The following IL1RAPL2 variants were observed in gnomAD, a reference collection of about 807,000 sequenced individuals.
The protein encoded by IL1RAPL2 is X-linked interleukin-1 receptor accessory protein-like 2.
Under a neutral mutation model 44.1 loss-of-function variants are expected in IL1RAPL2, and 3 were observed. That is an observed-to-expected ratio of 0.07 (90% confidence interval 0.03 to 0.18). The LOEUF (loss-of-function observed/expected upper bound fraction) is 0.18, where lower values mean the gene tolerates loss of function less well. Ranked by LOEUF, IL1RAPL2 falls within the 10% of genes least tolerant of loss-of-function variation. The pLI is 1.00. For synonymous variants in IL1RAPL2, 181 were observed against 178.8 expected, an observed-to-expected ratio of 1.01 and a Z score of -0.10; for missense variants, 391 against 496.4, an observed-to-expected ratio of 0.79 and a Z score of 2.02.
intron 2 of IL1RAPL2, among the ~76,000 whole-genome samples, chrX:105,187,938 A>G (rs886191727): frequency 1.9e-4 from 21 of 111,820 alleles, no homozygotes; most frequent in Admixed American, 3.8e-4. Context: ...TCATTTTACA[A>G]TGTATACACA....
At chrX:104,590,133 C>T (rs960617222) in intron 1 of IL1RAPL2, among the ~76,000 whole-genome samples, 3 of 111,510 alleles carry the variant, frequency 2.7e-5, no homozygotes, top group Non-Finnish European at 5.6e-5. Context: ...CCACCTCTGC[C>T]TCCCGGGTTC....
intron 2 of IL1RAPL2, among the ~76,000 whole-genome samples, chrX:105,125,062 A>G (rs2147574403): frequency 9.0e-6 from 1 of 110,683 alleles, no homozygotes; most frequent in South Asian, 3.8e-4. Flanking sequence ...CTTGGTTCCA[A>G]TGACATTTCA....
intron 2 of IL1RAPL2, among the ~76,000 whole-genome samples, chrX:104,997,535 A>G (rs745673305): frequency 8.9e-6 from 1 of 111,800 alleles, no homozygotes; most frequent in African/African-American, 3.2e-5. Context: ...GTACAGAGAA[A>G]GGATTGGAAG....
At chrX:105,673,359 C>T (rs1602514323) in intron 6 of IL1RAPL2, among the ~76,000 whole-genome samples, 1 of 110,862 alleles carries the variant, frequency 9.0e-6, no homozygotes, top group South Asian at 3.9e-4. Context: ...TGTTGTTCCC[C>T]TCCCTGTGTC....
At chrX:105,195,437 G>A (rs782749753) in intron 2 of IL1RAPL2, 38 bp from the exon 3 acceptor site, 26 of 1,185,998 alleles carry the variant, frequency 2.2e-5, no homozygotes, top group Non-Finnish European at 2.7e-5. Context: ...TGTCAACAAT[G>A]CTCACTGTAT....
intron 6 of IL1RAPL2, among the ~76,000 whole-genome samples, chrX:105,583,129 A>T (rs928669397): frequency 7.1e-5 from 7 of 98,409 alleles, no homozygotes; most frequent in African/African-American, 2.6e-4. Context: ...CTAAGAATTC[A>T]ATTTTTTTTG....
At chrX:104,592,330 T>C (rs1928685401) in intron 1 of IL1RAPL2, among the ~76,000 whole-genome samples, 1 of 110,090 alleles carries the variant, frequency 9.1e-6, no homozygotes, top group South Asian at 3.9e-4. Flanking sequence ...ACACGTCTTC[T>C]TCCCAACCTC....
At chrX:105,525,608 T>C (rs2036590389) in intron 6 of IL1RAPL2, among the ~76,000 whole-genome samples, 2 of 111,557 alleles carry the variant, frequency 1.8e-5, no homozygotes, top group Non-Finnish European at 3.8e-5. Context: ...ACAGTATTAA[T>C]TAAGGATAAT....
At chrX:105,033,767 A>G (rs1212511102) in intron 2 of IL1RAPL2, among the ~76,000 whole-genome samples, 10 of 111,230 alleles carry the variant, frequency 9.0e-5, no homozygotes, top group Admixed American at 1.9e-4. Context: ...CTGAATGTTG[A>G]CCTGCCTTGC....
intron 2 of IL1RAPL2, among the ~76,000 whole-genome samples, chrX:105,193,822 G>T (rs2033652629): frequency 9.0e-6 from 1 of 111,723 alleles, no homozygotes; most frequent in East Asian, 2.8e-4. Context: ...AAGTTTAGAT[G>T]CCCTTCACTA....
rs748399718 is a variant in IL1RAPL2 at position 105,594,869 on chromosome X, C to T, written c.772+110482C>T. On this transcript the variant is annotated intron_variant, in intron 6 of 10. Transcript: ENST00000372582. ...TGGATGTAAAAATGGGAACAGTAGA[C>T]ACAGCAGAATACAAGAGGGGAGAGA... Among the ~76,000 whole-genome samples, 30 of 111,201 alleles carry T rather than the reference C, an allele frequency of 2.7e-4. No homozygotes were observed. The East Asian group carries it at 4.0e-3, about 15-fold the overall frequency.
chrX:105,564,685 G>A (rs1035945858), intron 6 of IL1RAPL2, among the ~76,000 whole-genome samples: 5 of 111,770 alleles, frequency 4.5e-5, no homozygotes. Flanking sequence ...GCCAAATGGC[G>A]CATTGCTTGT....
chrX:105,687,806 T>C (rs1465534327), intron 6 of IL1RAPL2, among the ~76,000 whole-genome samples: 2 of 111,746 alleles, frequency 1.8e-5, no homozygotes, highest in Non-Finnish European at 1.9e-5. Flanking sequence ...CTGATGAACA[T>C]TGATGCGAAA....
intron 2 of IL1RAPL2, among the ~76,000 whole-genome samples, chrX:105,007,522 C>T (rs992212998): frequency 2.5e-4 from 28 of 111,212 alleles, no homozygotes; most frequent in African/African-American, 7.2e-4. Flanking sequence ...TAATTTAAAT[C>T]CTAGTGATAT....
intron 3 of IL1RAPL2, among the ~76,000 whole-genome samples, chrX:105,209,323 GT>G (rs2147619025): frequency 8.9e-6 from 1 of 112,044 alleles, no homozygotes; most frequent in East Asian, 2.8e-4. Context: ...GTATAGCCAA[GT>G]TTGACTTCCT....
intron 2 of IL1RAPL2, among the ~76,000 whole-genome samples, chrX:104,958,617 A>T (rs1033617358): frequency 9.7e-6 from 1 of 102,696 alleles, no homozygotes; most frequent in Admixed American, 1.1e-4. Context: ...GCTTCCTACC[A>T]CTCTGGAATG....
chrX:105,522,255 A>C (rs1218997063), intron 6 of IL1RAPL2, among the ~76,000 whole-genome samples: 1 of 112,214 alleles, frequency 8.9e-6, no homozygotes, highest in Non-Finnish European at 1.9e-5. Flanking sequence ...TATAATGATA[A>C]ATTTCATGGC....
chrX:104,855,999 T>C (rs1031176183), intron 2 of IL1RAPL2, among the ~76,000 whole-genome samples: 8 of 110,354 alleles, frequency 7.2e-5, no homozygotes, highest in Admixed American at 1.9e-4. Context: ...ATGAGGACAG[T>C]ATAGCATCTT....
At chrX:104,602,512 C>G (rs1289466393) in intron 1 of IL1RAPL2, among the ~76,000 whole-genome samples, 1 of 111,519 alleles carries the variant, frequency 9.0e-6, no homozygotes, top group African/African-American at 3.3e-5. Context: ...GTGCTGAAGC[C>G]AGGGAGCCAA....
Sources: gnomAD v4.1 joint callset for allele counts (sites outside exome capture counted in the v4.1 genomes callset) on GRCh38, gnomAD v4.1.1 for gene constraint, MANE v1.5 for transcripts, NCBI Gene and HGNC (gene_info 2026-07-23, HGNC 2026-07-21) for gene names.